RANBP2: variants seen among roughly 807,000 people sequenced by gnomAD.
RANBP2 encodes RAN binding protein 2, also known as E3 SUMO-protein ligase RanBP2.
RANBP2 carries 57 observed loss-of-function variants against 303.6 expected under a neutral mutation model. That is an observed-to-expected ratio of 0.19 (90% CI 0.15 to 0.23). The LOEUF is 0.23. Ranked by LOEUF, RANBP2 falls within the 10% of genes least tolerant of loss-of-function variation. The probability of loss-of-function intolerance (pLI) is 1.00; values close to 1 mark genes in which losing one functional copy is unlikely to be tolerated. For missense variants in RANBP2, 3,138 were observed against 3,780.8 expected (o/e 0.83, Z 4.46); for synonymous variants, 1,167 against 1,301.5 (o/e 0.90, Z 2.23).
chr2:109,272,703 G>A, the RANBP2 span, among the ~76,000 whole-genome samples: 2 of 152,242 alleles, frequency 1.3e-5, no homozygotes, highest in Non-Finnish European at 2.9e-5. Context: ...AGGCTGGGCT[G>A]TGTGTGGTCA....
At chr2:108,951,577 T>A in the RANBP2 span, among the ~76,000 whole-genome samples, 6 of 152,192 alleles carry the variant, frequency 3.9e-5, no homozygotes, top group Admixed American at 3.3e-4. Context: ...CAATCCTGTA[T>A]AGATATTGGC....
At chr2:109,643,516 T>G in the RANBP2 span, among the ~76,000 whole-genome samples, 2 of 152,134 alleles carry the variant, frequency 1.3e-5, no homozygotes, top group Non-Finnish European at 2.9e-5. Flanking sequence ...TCCCAGCACT[T>G]TGGGAGGCCA....
the RANBP2 span, among the ~76,000 whole-genome samples, chr2:109,367,029 C>G: frequency 6.6e-6 from 1 of 151,880 alleles, no homozygotes; most frequent in Non-Finnish European, 1.5e-5. Context: ...TCTTGGTTCA[C>G]TGCAACTTTC....
At chr2:109,777,105 CAT>C in the RANBP2 span, among the ~76,000 whole-genome samples, 1 of 97,068 alleles carries the variant, frequency 1.0e-5, no homozygotes, top group Non-Finnish European at 2.1e-5. Context: ...AGTGAGTAGA[CAT>C]CTTTGGTTTG....
At chr2:108,900,592 C>A in the RANBP2 span, among the ~76,000 whole-genome samples, 1 of 149,700 alleles carries the variant, frequency 6.7e-6, no homozygotes, top group East Asian at 1.9e-4. Context: ...CCAAACCAAA[C>A]CAAAACAAAA....
chr2:109,259,957 C>T, the RANBP2 span, among the ~76,000 whole-genome samples: 25 of 152,276 alleles, frequency 1.6e-4, no homozygotes, highest in Admixed American at 9.2e-4. Flanking sequence ...TGTTCTCAGA[C>T]GCCCAGGGGT....
At chr2:109,326,927 G>A in the RANBP2 span, among the ~76,000 whole-genome samples, 1 of 152,200 alleles carries the variant, frequency 6.6e-6, no homozygotes, top group African/African-American at 2.4e-5. Flanking sequence ...CTACCATTCG[G>A]TTCCAGTTCA....
At chr2:109,400,577 A>G in the RANBP2 span, among the ~76,000 whole-genome samples, 101 of 151,144 alleles carry the variant, frequency 6.7e-4, no homozygotes, top group South Asian at 1.0e-3. Flanking sequence ...ACCTGTGCGC[A>G]CACACACACA....
chr2:109,688,943 C>G, the RANBP2 span, among the ~76,000 whole-genome samples: 1 of 150,000 alleles, frequency 6.7e-6, no homozygotes, highest in African/African-American at 2.5e-5. Flanking sequence ...GAGTTTCACT[C>G]GTCACCCAGG....
the RANBP2 span, among the ~76,000 whole-genome samples, chr2:109,211,198 G>T: frequency 6.6e-6 from 1 of 152,346 alleles, no homozygotes; most frequent in African/African-American, 2.4e-5. Context: ...GGTGGGGGCT[G>T]CTCCTTGGCT....
the RANBP2 span, among the ~76,000 whole-genome samples, chr2:108,937,275 G>C: frequency 6.6e-6 from 1 of 152,182 alleles, no homozygotes. Context: ...GGGGCAAACT[G>C]ACCTTTGGCA....
chr2:109,015,985 T>C, the RANBP2 span, among the ~76,000 whole-genome samples: 1 of 152,332 alleles, frequency 6.6e-6, no homozygotes, highest in East Asian at 1.9e-4. Context: ...ATATATGAAG[T>C]GTGTATAGCA....
chr2:109,369,391 C>T, the RANBP2 span, among the ~76,000 whole-genome samples: 1 of 152,200 alleles, frequency 6.6e-6, no homozygotes, highest in South Asian at 2.1e-4. Context: ...ACACTCAACG[C>T]TGAGCGTTGC....
the RANBP2 span, among the ~76,000 whole-genome samples, chr2:108,796,443 G>A: frequency 2.0e-5 from 3 of 152,280 alleles, no homozygotes; most frequent in South Asian, 6.2e-4. Context: ...TAAACTATAA[G>A]TAGAACTACC....
the RANBP2 span, among the ~76,000 whole-genome samples, chr2:109,213,305 C>T: frequency 6.6e-6 from 1 of 152,200 alleles, no homozygotes; most frequent in Non-Finnish European, 1.5e-5. Context: ...GTGTCCATAG[C>T]ATAAGGCTAT....
At chr2:108,875,332 AAAAAG>A in the RANBP2 span, among the ~76,000 whole-genome samples, 1,761 of 136,176 alleles carry the variant, frequency 0.013, 60 homozygotes, top group East Asian at 0.4. Context: ...AAAAAAAAAA[AAAAAG>A]AAACAAATTC....
chr2:109,593,054 C>G, the RANBP2 span: 3 of 1,584,102 alleles, frequency 1.9e-6, no homozygotes, highest in East Asian at 6.8e-5. Context: ...TACTCACTAT[C>G]TGTTCATCAT....
chr2:109,471,367 G>T, the RANBP2 span, among the ~76,000 whole-genome samples: 1 of 152,148 alleles, frequency 6.6e-6, no homozygotes, highest in Non-Finnish European at 1.5e-5. Flanking sequence ...TTCACAAGGC[G>T]GCAGGAGAGA....
the RANBP2 span, among the ~76,000 whole-genome samples, chr2:109,043,503 A>G: frequency 0.084 from 12,724 of 152,050 alleles, 1,000 homozygotes; most frequent in African/African-American, 0.2. Flanking sequence ...CCATCATGCC[A>G]GGCTAATTTT....
Sources: gnomAD v4.1 joint callset for allele counts (sites outside exome capture counted in the v4.1 genomes callset) on GRCh38, gnomAD v4.1.1 for gene constraint, MANE v1.5 for transcripts, NCBI Gene and HGNC (gene_info 2026-07-23, HGNC 2026-07-21) for gene names.